GBF1: variants seen among roughly 807,000 people sequenced by gnomAD.
GBF1 encodes golgi brefeldin A resistant guanine nucleotide exchange factor 1.
GBF1 carries 114 observed loss-of-function variants against 210.5 expected under a neutral mutation model. The observed-to-expected ratio is 0.54, with a 90% confidence interval of 0.47 to 0.63. The LOEUF is 0.63. Among genes scored for constraint, GBF1 ranks in the 30% least tolerant of loss-of-function variants. The pLI, the probability that GBF1 is intolerant of heterozygous loss-of-function variation, is 0.00. For missense variants in GBF1, 1,851 were observed against 2,357.7 expected (o/e 0.79, Z 4.45); for synonymous variants, 850 against 889.2 (o/e 0.96, Z 0.78).
chr10:102,355,756 T>C (rs1039536187), intron 8 of GBF1, among the ~76,000 whole-genome samples: 1 of 152,234 alleles, frequency 6.6e-6, no homozygotes, highest in African/African-American at 2.4e-5. Flanking sequence ...AGAGAAAGGC[T>C]ACCTCATAAA....
In GBF1 at chr10:102,330,593, G is replaced by A. The variant is rs1350902635; in HGVS notation, c.164-13458G>A. Among the ~76,000 whole-genome samples the A allele has an allele frequency of 4.6e-5, 7 of 152,142 alleles. No individual in the cohort carries two copies. The East Asian group carries it at 1.4e-3, about 30-fold the overall frequency. On this transcript the variant is annotated intron_variant, in intron 3 of 39. Coordinates refer to ENST00000369983, the MANE Select transcript of GBF1 (RefSeq NM_001377137.1). ...CAGCTACACTCAGGAGGCTGAGGCA[G>A]GAGAATCGCTTGAACTCTGGAGGTG...
chr10:102,253,353 T>G (rs1025538460), intron 1 of GBF1, among the ~76,000 whole-genome samples: 16 of 152,170 alleles, frequency 1.1e-4, no homozygotes, highest in Non-Finnish European at 1.8e-4. Context: ...CTATTCTCAA[T>G]TTTTTTGTGT....
At chr10:102,240,995 C>A (rs572593734), upstream of GBF1, among the ~76,000 whole-genome samples, 1 of 152,250 alleles carries the variant, frequency 6.6e-6, no homozygotes, top group South Asian at 2.1e-4. Flanking sequence ...CCCTTTCGCT[C>A]CCTGGCCGCC....
rs146219589 is a variant in GBF1 at position 102,375,459 on chromosome 10, A to G, written c.3761A>G (p.Asn1254Ser). 1.2e-4 allele frequency: 197 copies of G among 1,613,484 alleles called. No homozygotes were observed. Among genetic ancestry groups the G allele is most frequent in the Non-Finnish European group, 1.6e-4 (186 of 1,179,568 alleles). The change falls in exon 30 of 40, where the codon AAT becomes AGT. Residue 1254 changes from asparagine to serine, a missense_variant. Physicochemically the swap from Asn to Ser is conservative, Grantham distance 46. This residue lies in a region of GBF1 where 967 missense variants were observed against 1,247.7 expected (regional missense o/e 0.78). Coordinates refer to ENST00000369983, the MANE Select transcript of GBF1 (RefSeq NM_001377137.1). ...GGGCTCCATGAACTCCTGAAGACCA[A>G]TGCAGCCAACATCCACTCAGGTGAT... The part of the protein sequence containing the change: ...AYGLHELLKT[N>S]AANIHSGDDW...
At chr10:102,369,579 G>T (rs926795263) in intron 24 of GBF1, 132 bp from the exon 25 acceptor site, 2 of 920,378 alleles carry the variant, frequency 2.2e-6, no homozygotes, top group Admixed American at 2.0e-5. Flanking sequence ...AGATGCCATT[G>T]CCAGTCACCA....
At chr10:102,369,814 G>A (rs764767401) in intron 25 of GBF1, 39 bp downstream of exon 25, 3 of 1,614,154 alleles carry the variant, frequency 1.9e-6, no homozygotes, top group Non-Finnish European at 1.7e-6. Context: ...TGGGGAGGGA[G>A]AGTCAGAACT....
At chr10:102,242,756 A>G (rs1375817227), upstream of GBF1, among the ~76,000 whole-genome samples, 1 of 151,984 alleles carries the variant, frequency 6.6e-6, no homozygotes, top group Non-Finnish European at 1.5e-5. Flanking sequence ...GTGAAACCCC[A>G]TCTCTACTAA....
chr10:102,231,126 C>A, the GBF1 span: 1 of 1,506,076 alleles, frequency 6.6e-7, no homozygotes, highest in Admixed American at 2.1e-5. Flanking sequence ...GAAAGGCGGT[C>A]AGGGCCCGGG....
chr10:102,359,306 G>T lies in GBF1; in HGVS notation c.1051G>T (p.Val351Leu). ...THVEKSQSAS[V>L]ESIPEVLEEC... is the part of the protein sequence containing the mutation. ...TGTGGAAAAGTCCCAGTCAGCATCT[G>T]TGGAGTCCATCCCTGAAGTGTTAGA... is the stretch of plus-strand genomic sequence containing the variant. Residue 351 changes from valine to leucine, a missense_variant, in exon 11 of 40, where the codon GTG (valine) becomes TTG (leucine). By Grantham distance (32) the Val-to-Leu change is conservative. Coordinates refer to ENST00000369983, the MANE Select transcript of GBF1 (RefSeq NM_001377137.1). 1 of 1,612,424 alleles carries T rather than the reference G, an allele frequency of 6.2e-7. No individual in the cohort carries two copies. The highest frequency in any genetic ancestry group is 8.5e-7 in the Non-Finnish European group (1 of 1,178,466).
At chr10:102,250,692 C>T (rs979080432) in intron 1 of GBF1, among the ~76,000 whole-genome samples, 1 of 152,116 alleles carries the variant, frequency 6.6e-6, no homozygotes, top group Non-Finnish European at 1.5e-5. Context: ...CGTGGTAGCT[C>T]ATGCCTGTAA....
chr10:102,299,886 TTTA>T (rs1244140897), intron 3 of GBF1, among the ~76,000 whole-genome samples: 12 of 152,344 alleles, frequency 7.9e-5, no homozygotes, highest in East Asian at 7.7e-4. Flanking sequence ...CTAAATTATT[TTTA>T]TTATTGTTAT....
In GBF1 at chr10:102,368,810, A is replaced by T; in HGVS notation, c.2951A>T (p.Lys984Ile). 1.2e-6 allele frequency: 2 copies of T among 1,611,254 alleles called. No individual in the cohort carries two copies. The highest frequency in any genetic ancestry group is 1.7e-6 in the Non-Finnish European group (2 of 1,177,498). ...VFDNLIISLC[K>I]FTALSSESIE... ...GACAATCTCATCATCTCTCTATGCAAATTCACAGCTCTCAGCAGTGAGGTG... is the reference window on the plus strand; with the variant it reads ...GACAATCTCATCATCTCTCTATGCATATTCACAGCTCTCAGCAGTGAGGTG... The change falls in exon 23 of 40, where the codon AAA (lysine) becomes ATA (isoleucine). Residue 984 changes from lysine (K) to isoleucine (I), a missense_variant. Coordinates refer to ENST00000369983, the MANE Select transcript of GBF1 (RefSeq NM_001377137.1).
At chr10:102,375,630 C>A (rs764534833) in intron 30 of GBF1, 46 bp downstream of exon 30, 1 of 1,247,752 alleles carries the variant, frequency 8.0e-7, no homozygotes, top group Non-Finnish European at 1.2e-6. Context: ...TAAACAGTTA[C>A]ACCCCAGGAG....
At chr10:102,302,049 G>A (rs1272403295) in intron 3 of GBF1, among the ~76,000 whole-genome samples, 4 of 152,244 alleles carry the variant, frequency 2.6e-5, no homozygotes, top group African/African-American at 7.2e-5. Flanking sequence ...GATCACTCGC[G>A]GTTAGGAGCT....
At chr10:102,267,001 A>G (rs1378205520) in intron 3 of GBF1, among the ~76,000 whole-genome samples, 1 of 152,192 alleles carries the variant, frequency 6.6e-6, no homozygotes, top group Non-Finnish European at 1.5e-5. Context: ...GTTTGCAGAG[A>G]ACATTTAAAC....
At position 102,361,059 on chromosome 10, in the gene GBF1, C is replaced by G; in HGVS notation, c.1430C>G (p.Ser477Cys). ...GAGCGACTAAACCTTTATGCTGCTT[C>G]CCTGCGAGTATGCTTCCTACTGTTT... ...SIERLNLYAA[S>C]LRVCFLLFES... Residue 477 changes from serine (S) to cysteine (C), a missense_variant, in exon 13 of 40, where the codon TCC (serine) becomes TGC (cysteine). Coordinates refer to ENST00000369983, the MANE Select transcript of GBF1 (RefSeq NM_001377137.1). 6.2e-7 allele frequency: 1 copy of G among 1,606,798 alleles called. No individual in the cohort carries two copies. The highest frequency in any genetic ancestry group is 8.5e-7 in the Non-Finnish European group (1 of 1,173,574).
intron 1 of GBF1, among the ~76,000 whole-genome samples, chr10:102,253,311 G>C (rs2071851868): frequency 6.6e-6 from 1 of 152,110 alleles, no homozygotes; most frequent in Admixed American, 6.6e-5. Context: ...GCCCTTCCCT[G>C]TTAGTTCCCC....
chr10:102,371,117 A>G (rs945990041), intron 29 of GBF1, among the ~76,000 whole-genome samples: 7 of 152,126 alleles, frequency 4.6e-5, no homozygotes, highest in African/African-American at 9.7e-5. Context: ...CTGCCTTATA[A>G]TAGTCTCAGC....
chr10:102,345,809 A>G (rs2058523714), intron 4 of GBF1, among the ~76,000 whole-genome samples: 1 of 152,046 alleles, frequency 6.6e-6, no homozygotes. Flanking sequence ...TACACTCACA[A>G]TGTTGTGCAG....
Sources: gnomAD v4.1 joint callset for allele counts (sites outside exome capture counted in the v4.1 genomes callset) on GRCh38, gnomAD v4.1.1 for gene constraint, gnomAD v4.1.1 regional missense constraint, MANE v1.5 for transcripts, NCBI Gene and HGNC (gene_info 2026-07-23, HGNC 2026-07-21) for gene names.